The following NID1 variants were observed in gnomAD, a reference collection of about 807,000 sequenced individuals.
NID1 encodes nidogen 1.
Under a neutral mutation model 130.6 loss-of-function variants are expected in NID1, and 76 were observed. That is an observed-to-expected ratio of 0.58 (90% CI 0.48 to 0.70). NID1 has a LOEUF of 0.70. Among genes scored for constraint, NID1 ranks in the 30% least tolerant of loss-of-function variants. The pLI, the probability that NID1 is intolerant of heterozygous loss-of-function variation, is 0.00. For missense variants in NID1, 1,517 were observed against 1,664.8 expected (o/e 0.91, Z 1.54); for synonymous variants, 665 against 675.1 (o/e 0.98, Z 0.23).
At chr1:236,015,542 G>A (rs751490220) in intron 10 of NID1, among the ~76,000 whole-genome samples, 9 of 150,910 alleles carry the variant, frequency 6.0e-5, no homozygotes, top group Non-Finnish European at 1.2e-4. Flanking sequence ...AGCTACTTGG[G>A]AGACTGAGGC....
intron 5 of NID1, among the ~76,000 whole-genome samples, chr1:236,033,249 A>C (rs941638014): frequency 4.6e-5 from 7 of 152,218 alleles, no homozygotes; most frequent in African/African-American, 1.4e-4. Flanking sequence ...CTAAGGTTGC[A>C]GTGAGCCAAG....
At chr1:235,978,795 C>T (rs1657346516) in intron 19 of NID1, among the ~76,000 whole-genome samples, 200 bp downstream of exon 19, 3 of 152,196 alleles carry the variant, frequency 2.0e-5, no homozygotes, top group African/African-American at 7.2e-5. Flanking sequence ...TGCTTTTCCT[C>T]ATCCTGACAA....
At chr1:236,032,673 A>G in intron 5 of NID1, 21 bp from the exon 6 acceptor site, 1 of 1,612,956 alleles carries the variant, frequency 6.2e-7, no homozygotes, top group Non-Finnish European at 8.5e-7. Flanking sequence ...AAACAAAGAA[A>G]GAATATAGAG....
chr1:236,030,452 C>T (rs1238017666), intron 6 of NID1, among the ~76,000 whole-genome samples: 1 of 152,026 alleles, frequency 6.6e-6, no homozygotes, highest in Admixed American at 6.6e-5. Flanking sequence ...AAGGTCTTTA[C>T]ATTTTTTAAT....
chr1:235,998,387 ATGTC>A (rs1304693727), intron 12 of NID1, among the ~76,000 whole-genome samples: 1 of 152,200 alleles, frequency 6.6e-6, no homozygotes, highest in Non-Finnish European at 1.5e-5. Context: ...AGAATAAAAA[ATGTC>A]TGGCTGGGCA....
Position 236,024,130 on chromosome 1 carries a change from T to C in NID1, c.2068A>G (p.Arg690Gly), listed in dbSNP as rs1480370196. The change falls in exon 9 of 20, where the codon AGG becomes GGG. Residue 690 changes from arginine to glycine, a missense_variant. Physicochemically the swap from Arg to Gly is moderately radical, Grantham distance 125 (BLOSUM62 -2). This residue lies in a region of NID1 where 1,329 missense variants were observed against 1,429.2 expected (regional missense o/e 0.93). Coordinates refer to ENST00000264187, the MANE Select transcript of NID1 (RefSeq NM_002508.3). ...DTNAACRPGP[R>G]TQFTCECSIG... is the part of the protein sequence containing the mutation. ...GAGCACTCGCAGGTGAACTGTGTCC[T>C]GGGACCAGGGCGACAGGCCGCGTTG... 1.2e-6 allele frequency: 2 copies of C among 1,614,264 alleles called. No individual in the cohort carries two copies. The highest frequency in any genetic ancestry group is 8.5e-7 in the Non-Finnish European group (1 of 1,180,040).
intron 7 of NID1, among the ~76,000 whole-genome samples, chr1:236,027,186 G>C (rs1658959816): frequency 6.6e-6 from 1 of 152,070 alleles, no homozygotes; most frequent in African/African-American, 2.4e-5. Flanking sequence ...AGGAGAGACA[G>C]TCCTCCCCAC....
rs1453958618 is a variant in NID1 at position 236,024,118 on chromosome 1, T to C, written c.2080A>G (p.Thr694Ala). The C allele has an allele frequency of 1.2e-6, 2 of 1,614,200 alleles. No individual in the cohort carries two copies. Residue 694 changes from threonine to alanine, a missense_variant, in exon 9 of 20, where the codon ACC (threonine) becomes GCC (alanine). By Grantham distance (58) the Thr-to-Ala change is moderately conservative (BLOSUM62 0). Transcript: ENST00000264187. ...ACRPGPRTQFTCECSIGFRGD... is the reference protein window; with the variant it reads ...ACRPGPRTQFACECSIGFRGD... ...CGGAAGCCGATGGAGCACTCGCAGG[T>C]GAACTGTGTCCTGGGACCAGGGCGA... is the stretch of plus-strand genomic sequence containing the variant.
chr1:236,032,719 A>T lies in NID1; in HGVS notation c.1286-67T>A, dbSNP rs562152497. On this transcript the variant is annotated intron_variant, in intron 5 of 19. Transcript: ENST00000264187. ...AGCCAGTCTTTCAAACACGAGTAAT[A>T]TGTAGGACCTGTACCTATTGGTGAA... 1.7e-4 allele frequency: 274 copies of T among 1,581,872 alleles called. 2 individuals are homozygous for T. In the African/African-American group the frequency reaches 3.3e-3, roughly 19 times the overall value.
In NID1 at chr1:235,986,483, G is replaced by A. The variant is rs1657576928; in HGVS notation, c.2929-978C>T. Among the ~76,000 whole-genome samples the A allele has an allele frequency of 2.0e-5, 3 of 151,000 alleles. No individual in the cohort carries two copies. The South Asian group carries it at 6.3e-4, about 31-fold the overall frequency. On this transcript the variant is annotated intron_variant, in intron 14 of 19. Transcript: ENST00000264187. ...AAGGATAAACATTTTTAAATATGCA[G>A]GATTCCACAATGAATACTATAAAAC... is the stretch of plus-strand genomic sequence containing the variant.
At chr1:235,978,194 A>G (rs1392772042) in intron 19 of NID1, among the ~76,000 whole-genome samples, 4 of 152,206 alleles carry the variant, frequency 2.6e-5, no homozygotes, top group Admixed American at 6.5e-5. Flanking sequence ...ACCAGACACA[A>G]ACACTGATTC....
rs774869080 is a variant in NID1 at position 235,979,966 on chromosome 1, T to C, written c.3386-21A>G. The C allele has an allele frequency of 6.2e-7, 1 of 1,612,548 alleles. No homozygotes were observed. The highest frequency in any genetic ancestry group is 1.1e-5 in the South Asian group (1 of 90,992). On this transcript the variant is annotated intron_variant, in intron 17 of 19. Coordinates refer to ENST00000264187, the MANE Select transcript of NID1 (RefSeq NM_002508.3). The surrounding 1 kb of genome is among the most constrained non-coding windows in gnomAD (Gnocchi z 4.6). ...GGTGCCTGTGTGGAGTGGAAACAATTCATTCATTGTTCACACAAGAAATGG... is the reference window on the plus strand; with the variant it reads ...GGTGCCTGTGTGGAGTGGAAACAATCCATTCATTGTTCACACAAGAAATGG...
chr1:235,992,507 G>A (rs879686285), intron 13 of NID1, among the ~76,000 whole-genome samples: 34 of 152,148 alleles, frequency 2.2e-4, no homozygotes, highest in African/African-American at 4.8e-5. Flanking sequence ...GCTTAGAAAC[G>A]TGGCTCACAC....
chr1:236,042,240 C>T lies in NID1; in HGVS notation c.805G>A (p.Ala269Thr), dbSNP rs745430062. 11 of 1,610,404 alleles carry T rather than the reference C, an allele frequency of 6.8e-6. No homozygotes were observed. The Admixed American group carries it at 1.7e-4, about 24-fold the overall frequency. ...GVWVFEIGSP[A>T]TTNGVVPADV... Reference sequence around the variant, plus strand: ...GCAGGCACCACGCCATTGGTGGTGGCTGGACTCCCAATCTCAAACACCCAG... The same window carrying T: ...GCAGGCACCACGCCATTGGTGGTGGTTGGACTCCCAATCTCAAACACCCAG... The change falls in exon 4 of 20, where the codon GCC becomes ACC. Residue 269 changes from alanine (A) to threonine (T), a missense_variant. Around this residue, in one of 3 missense-constraint regions of NID1, gnomAD observed 1,329 missense variants for 1,429.2 expected, o/e 0.93. Coordinates refer to ENST00000264187, the MANE Select transcript of NID1 (RefSeq NM_002508.3).
At chr1:235,996,311 TG>T (rs1434894595) in intron 12 of NID1, among the ~76,000 whole-genome samples, 1 of 152,220 alleles carries the variant, frequency 6.6e-6, no homozygotes, top group African/African-American at 2.4e-5. Context: ...AGTGAGTGGC[TG>T]CCTTGACAGA....
At chr1:236,057,654 C>T (rs1167244218) in intron 1 of NID1, among the ~76,000 whole-genome samples, 6 of 147,824 alleles carry the variant, frequency 4.1e-5, no homozygotes, top group African/African-American at 1.5e-4. Flanking sequence ...GCCGAAATCT[C>T]GCCACTGCAC....
chr1:236,025,820 AC>A, intron 8 of NID1, 75 bp downstream of exon 8: 1 of 1,556,286 alleles, frequency 6.4e-7, no homozygotes, highest in East Asian at 2.3e-5. Context: ...AGAGTAAGAG[AC>A]CAAAAACAAT....
chr1:236,049,283 C>G (rs1450916700), intron 1 of NID1, among the ~76,000 whole-genome samples: 1 of 152,028 alleles, frequency 6.6e-6, no homozygotes, highest in Non-Finnish European at 1.5e-5. Context: ...TGGTTAGGAG[C>G]CTGGGCATCA....
intron 1 of NID1, among the ~76,000 whole-genome samples, chr1:236,063,489 AAT>A (rs1368200338): frequency 9.5e-5 from 14 of 147,514 alleles, no homozygotes; most frequent in African/African-American, 3.5e-4. Flanking sequence ...AAAATAAATA[AAT>A]AAATAAATAA....
Sources: gnomAD v4.1 joint callset for allele counts (sites outside exome capture counted in the v4.1 genomes callset) on GRCh38, gnomAD v4.1.1 for gene constraint, gnomAD v4.1.1 regional missense constraint, Gnocchi (gnomAD v3.1) non-coding constraint, MANE v1.5 for transcripts, NCBI Gene and HGNC (gene_info 2026-07-23, HGNC 2026-07-21) for gene names.